Variants in CTNNA3 observed in about 807,000 individuals in gnomAD.
The protein encoded by CTNNA3 is catenin alpha-3.
In CTNNA3, 76 loss-of-function variants were observed where a neutral mutation model predicts 95.7. The ratio of observed to expected loss-of-function variants is 0.79; its 90% CI spans 0.66 to 0.96. CTNNA3 has a LOEUF of 0.96. Among genes scored for constraint, CTNNA3 ranks in the 40% least tolerant of loss-of-function variants. The pLI, the probability that CTNNA3 is intolerant of heterozygous loss-of-function variation, is 0.00. For missense variants in CTNNA3, 1,191 were observed against 1,089.8 expected (o/e 1.09, Z -1.31); for synonymous variants, 431 against 374.4 (o/e 1.15, Z -1.74).
chr10:66,277,698 C>T (rs1345190198), intron 13 of CTNNA3, among the ~76,000 whole-genome samples: 1 of 151,940 alleles, frequency 6.6e-6, no homozygotes, highest in Non-Finnish European at 1.5e-5. Context: ...CTAGAGGCTG[C>T]TTAGGGAACT....
intron 10 of CTNNA3, among the ~76,000 whole-genome samples, chr10:66,544,279 C>T (rs1449087213): frequency 1.3e-5 from 2 of 151,992 alleles, no homozygotes; most frequent in Non-Finnish European, 2.9e-5. Context: ...CCTATAAAAT[C>T]CCTTCTCTTC....
intron 5 of CTNNA3, among the ~76,000 whole-genome samples, chr10:67,363,020 C>A (rs933913370): frequency 6.6e-6 from 1 of 151,746 alleles, no homozygotes; most frequent in Non-Finnish European, 1.5e-5. Context: ...ACAATATCCA[C>A]ACACAAAAAT....
chr10:66,652,145 G>A (rs955160509), intron 9 of CTNNA3, among the ~76,000 whole-genome samples: 9 of 137,714 alleles, frequency 6.5e-5, no homozygotes, highest in Middle Eastern at 4.0e-3. Context: ...GCAGAAGAAA[G>A]GAAATAATAA....
chr10:65,955,742 T>C (rs138834894), intron 17 of CTNNA3, among the ~76,000 whole-genome samples: 3,768 of 152,270 alleles, frequency 0.025, 136 homozygotes, highest in African/African-American at 0.083. Context: ...TGAAGCCTAC[T>C]TGATCATGGT....
rs566756264 is a variant in CTNNA3, at chr10:66,866,394, C to T, written c.1048-90870G>A. Among the ~76,000 whole-genome samples the T allele has an allele frequency of 1.1e-4, 16 of 152,292 alleles. No individual in the cohort carries two copies. The South Asian group carries it at 2.1e-3, about 20-fold the overall frequency. On this transcript the variant is annotated intron_variant, in intron 7 of 17. Coordinates refer to ENST00000433211, the MANE Select transcript of CTNNA3 (RefSeq NM_013266.4). ...CCACTAGAGCTTAGAATGTTGCCTA[C>T]GCATCATCATAATTGCTCAACATCT... is the stretch of plus-strand genomic sequence containing the variant.
intron 15 of CTNNA3, among the ~76,000 whole-genome samples, chr10:66,018,814 A>T (rs1024139616): frequency 1.3e-5 from 2 of 152,144 alleles, no homozygotes; most frequent in African/African-American, 4.8e-5. Context: ...TTCTTTTTCA[A>T]TAAATGATTC....
At position 66,927,352 on chromosome 10, in the gene CTNNA3, C is replaced by A. The variant is rs1436744091; in HGVS notation, c.1048-151828G>T. On this transcript the variant is annotated intron_variant, in intron 7 of 17. Transcript: ENST00000433211. This position sits in a 1 kb window ranked among gnomAD's most constrained non-coding sequence, Gnocchi z 4.7. The stretch of plus-strand genomic sequence containing the variant: ...CTTGGATCTGTCCTATAATCAGCTG[C>A]ATTCTCTGGGATCTGAACAGTTTCG... 3 of 1,614,088 alleles carry A rather than the reference C, an allele frequency of 1.9e-6. No individual in the cohort carries two copies. In the Admixed American group the frequency reaches 5.0e-5, roughly 27 times the overall value.
intron 5 of CTNNA3, among the ~76,000 whole-genome samples, chr10:67,255,463 TC>T (rs1212728390): frequency 2.6e-5 from 4 of 152,296 alleles, no homozygotes; most frequent in Admixed American, 2.6e-4. Context: ...CTATGTTTCT[TC>T]TATGTATTAC....
chr10:66,585,942 A>C (rs1039735472), intron 10 of CTNNA3, among the ~76,000 whole-genome samples: 4 of 151,838 alleles, frequency 2.6e-5, no homozygotes, highest in Non-Finnish European at 5.9e-5. Flanking sequence ...GTTTAAAAAA[A>C]TTTTCCTCCT....
intron 11 of CTNNA3, among the ~76,000 whole-genome samples, chr10:66,422,014 T>A (rs68118260): frequency 0.2 from 29,764 of 149,990 alleles, 3,288 homozygotes; most frequent in South Asian, 0.29. Flanking sequence ...ATGGATTGTA[T>A]TTTTTCCAAA....
intron 7 of CTNNA3, among the ~76,000 whole-genome samples, chr10:66,936,584 T>C (rs1391557914): frequency 1.3e-5 from 2 of 152,152 alleles, no homozygotes; most frequent in Admixed American, 1.3e-4. Context: ...CAAATGTTGA[T>C]CCTGTCAGAA....
chr10:66,983,324 T>C (rs922442557), intron 7 of CTNNA3, among the ~76,000 whole-genome samples: 1 of 152,056 alleles, frequency 6.6e-6, no homozygotes, highest in African/African-American at 2.4e-5. Context: ...CCTGGTGCAT[T>C]ATGCCAACAA....
intron 13 of CTNNA3, among the ~76,000 whole-genome samples, chr10:66,222,333 G>T (rs2131982510): frequency 6.6e-6 from 1 of 152,212 alleles, no homozygotes; most frequent in Non-Finnish European, 1.5e-5. Flanking sequence ...TGTAGAAAGG[G>T]CCATTGCTCA....
At chr10:67,427,225 G>A (rs575135528) in intron 5 of CTNNA3, among the ~76,000 whole-genome samples, 2 of 151,974 alleles carry the variant, frequency 1.3e-5, no homozygotes, top group East Asian at 1.9e-4. Context: ...CACACAGTAT[G>A]GCTAGTTTCT....
intron 12 of CTNNA3, among the ~76,000 whole-genome samples, chr10:66,319,582 A>G (rs2092153623): frequency 1.3e-5 from 2 of 152,130 alleles, no homozygotes; most frequent in South Asian, 4.1e-4. Context: ...TTAAGCAGCT[A>G]TATCTTAACT....
intron 13 of CTNNA3, among the ~76,000 whole-genome samples, chr10:66,254,091 C>T (rs1435091890): frequency 2.0e-5 from 3 of 152,136 alleles, no homozygotes; most frequent in Non-Finnish European, 4.4e-5. Context: ...AGCCTATTCC[C>T]TGAGACTTTT....
intron 7 of CTNNA3, among the ~76,000 whole-genome samples, chr10:66,862,019 A>G (rs1195179689): frequency 6.6e-6 from 1 of 152,150 alleles, no homozygotes; most frequent in African/African-American, 2.4e-5. Context: ...GTTCAAGATC[A>G]GCCAGACTGA....
chr10:67,438,110 G>C (rs1488650313), intron 5 of CTNNA3, among the ~76,000 whole-genome samples: 1 of 152,046 alleles, frequency 6.6e-6, no homozygotes, highest in Non-Finnish European at 1.5e-5. Flanking sequence ...AAGAGGAAAG[G>C]GTCAGGGAGC....
At chr10:67,308,970 C>G (rs1840671073) in intron 5 of CTNNA3, among the ~76,000 whole-genome samples, 1 of 152,148 alleles carries the variant, frequency 6.6e-6, no homozygotes, top group Non-Finnish European at 1.5e-5. Flanking sequence ...TTTTTAACCT[C>G]TTAACCTTAA....
Sources: allele counts gnomAD v4.1 joint callset (sites outside exome capture counted in the v4.1 genomes callset), GRCh38; gene constraint gnomAD v4.1.1; non-coding constraint Gnocchi (gnomAD v3.1); transcripts MANE v1.5; gene names NCBI Gene and HGNC (gene_info 2026-07-23, HGNC 2026-07-21).